SPAG16: variants seen among roughly 807,000 people sequenced by gnomAD.
SPAG16 encodes sperm-associated antigen 16 protein.
In SPAG16, 86 loss-of-function variants were observed where a neutral mutation model predicts 80.4. The ratio of observed to expected loss-of-function variants is 1.07; its 90% confidence interval spans 0.90 to 1.28. SPAG16 has a LOEUF of 1.28. Among genes scored for constraint, SPAG16 ranks in the 50% most tolerant of loss-of-function variants. The pLI is 0.00. For missense variants in SPAG16, 870 were observed against 765.3 expected (o/e 1.14, Z -1.61); for synonymous variants, 294 against 265.9 (o/e 1.11, Z -1.03).
chr2:213,624,255 C>T (rs1299269381), intron 10 of SPAG16, among the ~76,000 whole-genome samples: 4 of 151,760 alleles, frequency 2.6e-5, no homozygotes, highest in Admixed American at 2.6e-4. Flanking sequence ...GGCTATTTAT[C>T]ATCATCTTTG....
chr2:213,662,954 G>A (rs1418321032), intron 10 of SPAG16, among the ~76,000 whole-genome samples: 3 of 152,002 alleles, frequency 2.0e-5, no homozygotes, highest in African/African-American at 7.2e-5. Context: ...ATGTAGATAG[G>A]TTCAAGAATG....
At chr2:213,389,977 C>T (rs2067656339) in intron 9 of SPAG16, among the ~76,000 whole-genome samples, 1 of 152,092 alleles carries the variant, frequency 6.6e-6, no homozygotes, top group African/African-American at 2.4e-5. Flanking sequence ...AACATGGAGA[C>T]AATTCAGTGT....
chr2:214,017,347 A>ATAAAAGT (rs2047642195), intron 13 of SPAG16, among the ~76,000 whole-genome samples: 1 of 152,204 alleles, frequency 6.6e-6, no homozygotes, highest in Non-Finnish European at 1.5e-5. Flanking sequence ...CTAAAAACTT[A>ATAAAAGT]GATGTGAAGT....
chr2:214,001,822 T>C (rs1464637741), intron 12 of SPAG16, among the ~76,000 whole-genome samples: 2 of 152,210 alleles, frequency 1.3e-5, no homozygotes, highest in Non-Finnish European at 2.9e-5. Context: ...AATACACACA[T>C]TCTTATTTTA....
At chr2:213,312,963 G>T (rs1055814875) in intron 4 of SPAG16, among the ~76,000 whole-genome samples, 1 of 151,726 alleles carries the variant, frequency 6.6e-6, no homozygotes, top group Non-Finnish European at 1.5e-5. Context: ...TATGTGTGGT[G>T]TTGTGTATAC....
chr2:214,202,975 TAA>T (rs1159097601), intron 15 of SPAG16, among the ~76,000 whole-genome samples: 2 of 152,198 alleles, frequency 1.3e-5, no homozygotes, highest in African/African-American at 4.8e-5. Flanking sequence ...AAAAAAAATC[TAA>T]AGTTTCATTT....
At chr2:213,404,993 AC>A (rs1172499076) in intron 9 of SPAG16, among the ~76,000 whole-genome samples, 2 of 152,140 alleles carry the variant, frequency 1.3e-5, no homozygotes, top group Non-Finnish European at 2.9e-5. Context: ...GCATTTGGCA[AC>A]ATACCCCAAC....
At chr2:214,318,881 G>GGCAA (rs1205961915) in intron 15 of SPAG16, among the ~76,000 whole-genome samples, 2 of 152,024 alleles carry the variant, frequency 1.3e-5, no homozygotes, top group African/African-American at 4.8e-5. Context: ...CTGAAGTAGA[G>GGCAA]GCAAGCCTGG....
intron 15 of SPAG16, among the ~76,000 whole-genome samples, chr2:214,272,524 G>A (rs1692111536): frequency 6.6e-6 from 1 of 152,066 alleles, no homozygotes; most frequent in Admixed American, 6.5e-5. Flanking sequence ...TCCCACCTAT[G>A]AGTGAGAACA....
intron 10 of SPAG16, among the ~76,000 whole-genome samples, chr2:213,732,729 T>G (rs2067106537): frequency 6.6e-6 from 1 of 152,238 alleles, no homozygotes; most frequent in South Asian, 2.1e-4. Flanking sequence ...TTCCATTTGC[T>G]TGTGTTATCT....
At chr2:213,413,696 G>C (rs1163507578) in intron 9 of SPAG16, among the ~76,000 whole-genome samples, 1 of 152,152 alleles carries the variant, frequency 6.6e-6, no homozygotes, top group Non-Finnish European at 1.5e-5. Context: ...TGTTAAGTTG[G>C]TAGTGAGCTA....
intron 10 of SPAG16, among the ~76,000 whole-genome samples, chr2:213,860,742 T>C: frequency 6.6e-6 from 1 of 152,100 alleles, no homozygotes; most frequent in East Asian, 1.9e-4. Context: ...CTCACAAAAG[T>C]CATTTTGGAA....
chr2:214,357,257 A>G (rs1477385662), intron 15 of SPAG16, among the ~76,000 whole-genome samples: 1 of 151,912 alleles, frequency 6.6e-6, no homozygotes, highest in Non-Finnish European at 1.5e-5. Context: ...TATCAAAAGC[A>G]CCAATGGATT....
intron 10 of SPAG16, among the ~76,000 whole-genome samples, chr2:213,509,532 A>G (rs2075132018): frequency 6.6e-6 from 1 of 152,202 alleles, no homozygotes; most frequent in Non-Finnish European, 1.5e-5. Flanking sequence ...TTACTCATCT[A>G]TTGATAGACT....
At chr2:213,344,612 G>A (rs570650869) in intron 6 of SPAG16, among the ~76,000 whole-genome samples, 46 of 152,166 alleles carry the variant, frequency 3.0e-4, no homozygotes, top group African/African-American at 1.1e-3. Context: ...TCCCACCTAT[G>A]AGTGAGAACA....
chr2:213,573,032 C>G (rs547514596), intron 10 of SPAG16, among the ~76,000 whole-genome samples: 1 of 152,106 alleles, frequency 6.6e-6, no homozygotes, highest in African/African-American at 2.4e-5. Context: ...TTCTTTGACT[C>G]GGAAAGGGAA....
At chr2:213,469,368 G>A (rs10180751) in intron 9 of SPAG16, among the ~76,000 whole-genome samples, 67,101 of 151,906 alleles carry the variant, frequency 0.44, 15,861 homozygotes, top group African/African-American at 0.6. Context: ...TGATAGAGGG[G>A]AAAGGAAATA....
intron 10 of SPAG16, among the ~76,000 whole-genome samples, chr2:213,528,738 G>A (rs1320080851): frequency 6.6e-6 from 1 of 152,068 alleles, no homozygotes; most frequent in Non-Finnish European, 1.5e-5. Context: ...AAGAAGAATT[G>A]TCTTGGGCTA....
intron 6 of SPAG16, among the ~76,000 whole-genome samples, chr2:213,350,174 G>T (rs1348072081): frequency 1.3e-5 from 2 of 152,072 alleles, no homozygotes; most frequent in East Asian, 3.8e-4. Flanking sequence ...TATTGTTTGT[G>T]GCCCTTGTCT....
Sources: gnomAD v4.1 joint callset for allele counts (sites outside exome capture counted in the v4.1 genomes callset) on GRCh38, gnomAD v4.1.1 for gene constraint, MANE v1.5 for transcripts, NCBI Gene and HGNC (gene_info 2026-07-23, HGNC 2026-07-21) for gene names.